Variants in CTNNA2 observed in about 807,000 individuals in gnomAD.
CTNNA2 encodes catenin alpha-2.
A neutral mutation model predicts 101.0 loss-of-function variants in CTNNA2; 42 were observed. That is an observed-to-expected ratio of 0.42 (90% CI 0.32 to 0.54). The LOEUF (loss-of-function observed/expected upper bound fraction) is 0.54, where lower values mean the gene tolerates loss of function less well. CTNNA2 is among the 20% of genes least tolerant of loss of function. CTNNA2 has a pLI of 0.14. For synonymous variants in CTNNA2, 450 were observed against 456.4 expected (o/e 0.99, Z 0.18); for missense variants, 871 against 1,223.1 (o/e 0.71, Z 4.29).
intron 2 of CTNNA2, among the ~76,000 whole-genome samples, chr2:79,666,679 C>T (rs1682443568): frequency 1.3e-5 from 2 of 152,096 alleles, no homozygotes; most frequent in African/African-American, 4.8e-5. Context: ...TGCATTGAGA[C>T]TGAGCTAGGT....
At chr2:80,642,316 TTTG>T (rs935368239) in intron 18 of CTNNA2, among the ~76,000 whole-genome samples, 14 of 152,164 alleles carry the variant, frequency 9.2e-5, no homozygotes, top group Non-Finnish European at 1.6e-4. Context: ...TGCTATTCCT[TTTG>T]TTCATTTAGC....
chr2:80,242,819 G>A (rs541827890), intron 7 of CTNNA2, among the ~76,000 whole-genome samples: 22 of 152,288 alleles, frequency 1.4e-4, no homozygotes, highest in African/African-American at 4.8e-4. Flanking sequence ...GTAACTCTGG[G>A]TGGTGTGTTT....
At chr2:80,164,028 A>G (rs1236960495) in intron 7 of CTNNA2, among the ~76,000 whole-genome samples, 1 of 151,242 alleles carries the variant, frequency 6.6e-6, no homozygotes, top group Non-Finnish European at 1.5e-5. Context: ...TATTACTTCT[A>G]CTTCCTATAT....
chr2:80,492,993 A>T (rs1573028636), intron 9 of CTNNA2, among the ~76,000 whole-genome samples: 1 of 152,206 alleles, frequency 6.6e-6, no homozygotes, highest in Admixed American at 6.5e-5. Flanking sequence ...GGCAGAGACC[A>T]TAATTTTCAC....
chr2:80,365,581 A>C (rs1449261996), intron 7 of CTNNA2, among the ~76,000 whole-genome samples: 2 of 151,676 alleles, frequency 1.3e-5, no homozygotes, highest in Non-Finnish European at 2.9e-5. Flanking sequence ...GAAAAAAAAA[A>C]AAAACAACAA....
At chr2:79,888,346 C>G (rs1684048579) in intron 6 of CTNNA2, among the ~76,000 whole-genome samples, 1 of 152,042 alleles carries the variant, frequency 6.6e-6, no homozygotes, top group Non-Finnish European at 1.5e-5. Flanking sequence ...TCTTTTCTGC[C>G]CAGAAATCTC....
chr2:79,218,335 GTGTGTGT>G, intron 2 of CTNNA2, among the ~76,000 whole-genome samples: 1 of 78,052 alleles, frequency 1.3e-5, no homozygotes, highest in African/African-American at 3.9e-5. Flanking sequence ...GTGTGTGTGT[GTGTGTGT>G]GTGTGTGTAT....
intron 9 of CTNNA2, among the ~76,000 whole-genome samples, chr2:80,502,403 A>T (rs922513899): frequency 2.0e-5 from 3 of 152,194 alleles, no homozygotes; most frequent in African/African-American, 7.2e-5. Context: ...CTCTCTGCAG[A>T]TGCACCTGCC....
chr2:80,602,707 A>G (rs1170724038), intron 15 of CTNNA2, among the ~76,000 whole-genome samples: 1 of 152,114 alleles, frequency 6.6e-6, no homozygotes, highest in Non-Finnish European at 1.5e-5. Context: ...TAACTCATCC[A>G]TATTACATAA....
chr2:79,590,789 T>G (rs73938730), intron 1 of CTNNA2, among the ~76,000 whole-genome samples: 4,832 of 152,282 alleles, frequency 0.032, 243 homozygotes, highest in African/African-American at 0.11. Context: ...CCACAACTTA[T>G]CTGATGAGAA....
At chr2:80,578,386 C>T in intron 13 of CTNNA2, among the ~76,000 whole-genome samples, 1 of 152,176 alleles carries the variant, frequency 6.6e-6, no homozygotes, top group East Asian at 1.9e-4. Flanking sequence ...TACCCTGTAA[C>T]ACTATCTAAT....
intron 17 of CTNNA2, among the ~76,000 whole-genome samples, chr2:80,611,586 C>T (rs1431971791): frequency 6.6e-6 from 1 of 151,522 alleles, no homozygotes; most frequent in Non-Finnish European, 1.5e-5. Flanking sequence ...CTAGGTTTCA[C>T]AGGGTTTAAT....
chr2:80,098,319 C>T (rs1488599353), intron 7 of CTNNA2, among the ~76,000 whole-genome samples: 2 of 152,118 alleles, frequency 1.3e-5, no homozygotes, highest in African/African-American at 2.4e-5. Context: ...TGCAGAACAG[C>T]GGATATTGGT....
At chr2:80,044,852 T>C (rs1696411215) in intron 7 of CTNNA2, among the ~76,000 whole-genome samples, 1 of 152,164 alleles carries the variant, frequency 6.6e-6, no homozygotes, top group Non-Finnish European at 1.5e-5. Flanking sequence ...TGATCTTTAC[T>C]CTATTTCAGG....
intron 7 of CTNNA2, among the ~76,000 whole-genome samples, chr2:80,351,296 C>G (rs1284098448): frequency 6.6e-6 from 1 of 152,002 alleles, no homozygotes; most frequent in Admixed American, 6.6e-5. Flanking sequence ...ATTTTGTTGT[C>G]TGGTCAATAG....
At chr2:80,600,411 AACCT>A (rs1037691145) in intron 15 of CTNNA2, among the ~76,000 whole-genome samples, 72 of 152,110 alleles carry the variant, frequency 4.7e-4, no homozygotes, top group African/African-American at 1.7e-3. Context: ...AAAAAAAAGA[AACCT>A]AACATATAGA....
Position 80,303,863 on chromosome 2 carries a change from G to A in CTNNA2, c.1057-89348G>A. Reference sequence around the variant, plus strand: ...AGAGACTGGAGAATGTCCATTGGAAGCGCTCGGTCAGAAATCTACATCATA... The same window carrying A: ...AGAGACTGGAGAATGTCCATTGGAAACGCTCGGTCAGAAATCTACATCATA... On this transcript the variant is annotated intron_variant, in intron 7 of 18. Transcript: ENST00000402739. The surrounding 1 kb of genome is among the most constrained non-coding windows in gnomAD (Gnocchi z 7.7). 1.4e-6 allele frequency: 2 copies of A among 1,480,848 alleles called. No homozygotes were observed. The highest frequency in any genetic ancestry group is 1.8e-6 in the Non-Finnish European group (2 of 1,114,680). The allele number at this position is 1,480,848 out of a possible 1,614,324, so 91.7% of individuals were successfully genotyped here.
At chr2:80,218,606 A>C (rs73938237) in intron 7 of CTNNA2, among the ~76,000 whole-genome samples, 2,189 of 152,300 alleles carry the variant, frequency 0.014, 61 homozygotes, top group African/African-American at 0.049. Context: ...ACCCTCTATT[A>C]GGCTCAGTTC....
Position 79,277,230 on chromosome 2 carries a change from G to C in CTNNA2, c.-405-35479G>C, listed in dbSNP as rs76412387. On this transcript the variant is annotated intron_variant, in intron 2 of 21. Coordinates refer to the CTNNA2 transcript ENST00000466387. ...GATGTCAAGCGGCTTAAAGGAAATTGTATGTAGTGGAAAATTCTTTTTTTT... is the reference window on the plus strand; with the variant it reads ...GATGTCAAGCGGCTTAAAGGAAATTCTATGTAGTGGAAAATTCTTTTTTTT... 2.2e-3 allele frequency among the ~76,000 whole-genome samples: 328 copies of C among 152,220 alleles called. 3 individuals are homozygous for C. Among genetic ancestry groups the C allele is most frequent in the Admixed American group, 0.015 (233 of 15,282 alleles).
Sources: gnomAD v4.1 joint callset for allele counts (sites outside exome capture counted in the v4.1 genomes callset) on GRCh38, gnomAD v4.1.1 for gene constraint, Gnocchi (gnomAD v3.1) non-coding constraint, MANE v1.5 for transcripts, NCBI Gene and HGNC (gene_info 2026-07-23, HGNC 2026-07-21) for gene names.